Variants in NOS1AP observed in about 807,000 individuals in gnomAD.
The protein encoded by NOS1AP is nitric oxide synthase 1 adaptor protein.
A neutral mutation model predicts 56.2 loss-of-function variants in NOS1AP; 21 were observed. The observed-to-expected ratio is 0.37, with a 90% CI of 0.26 to 0.54. The LOEUF is 0.54. Among genes scored for constraint, NOS1AP ranks in the 20% least tolerant of loss-of-function variants. The probability of loss-of-function intolerance (pLI) is 0.84; values close to 1 mark genes in which losing one functional copy is unlikely to be tolerated. For missense variants in NOS1AP, 522 were observed against 657.8 expected, an observed-to-expected ratio of 0.79 and a Z score of 2.26; for synonymous variants, 270 against 274.6, an observed-to-expected ratio of 0.98 and a Z score of 0.17.
intron 8 of NOS1AP, chr1:162,365,111 G>T: frequency 7.3e-7 from 1 of 1,367,688 alleles, no homozygotes; most frequent in South Asian, 1.5e-5. Flanking sequence ...TGTGTGGCAG[G>T]TCTAGAGGGT....
chr1:162,234,234 A>C (rs562325889), intron 2 of NOS1AP, among the ~76,000 whole-genome samples: 60 of 152,318 alleles, frequency 3.9e-4, no homozygotes, highest in African/African-American at 1.3e-3. Flanking sequence ...AGCTATAGGC[A>C]GTGAGAAGCA....
chr1:162,296,159 T>G (rs1655451721), intron 3 of NOS1AP, among the ~76,000 whole-genome samples: 2 of 151,956 alleles, frequency 1.3e-5, no homozygotes, highest in Non-Finnish European at 2.9e-5. Flanking sequence ...TGGTGGTGAG[T>G]GCCTGTAGTC....
At chr1:162,307,057 C>G (rs1286295452) in intron 4 of NOS1AP, among the ~76,000 whole-genome samples, 1 of 150,646 alleles carries the variant, frequency 6.6e-6, no homozygotes, top group Non-Finnish European at 1.5e-5. Flanking sequence ...TTTTTTTTCT[C>G]TTTTATTCAT....
At chr1:162,363,828 T>G in intron 8 of NOS1AP, 1 of 985,376 alleles carries the variant, frequency 1.0e-6, no homozygotes, top group African/African-American at 1.7e-5. Context: ...AAAAAATGAG[T>G]CTGACTTCTT....
chr1:162,238,393 C>T (rs532873021), intron 2 of NOS1AP, among the ~76,000 whole-genome samples: 1 of 152,112 alleles, frequency 6.6e-6, no homozygotes, highest in African/African-American at 2.4e-5. Context: ...ATCAAAGAAG[C>T]AGCTCTCTTA....
chr1:162,325,131 T>C (rs1443347181), intron 4 of NOS1AP, among the ~76,000 whole-genome samples: 1 of 152,148 alleles, frequency 6.6e-6, no homozygotes, highest in Non-Finnish European at 1.5e-5. Flanking sequence ...ATGAAGAAGA[T>C]GGAAATTACA....
intron 2 of NOS1AP, among the ~76,000 whole-genome samples, chr1:162,230,126 C>T (rs1388526053): frequency 6.6e-6 from 1 of 152,122 alleles, no homozygotes; most frequent in Non-Finnish European, 1.5e-5. Flanking sequence ...ACTCAGATCT[C>T]CTTGCAGAGT....
intron 1 of NOS1AP, among the ~76,000 whole-genome samples, chr1:162,072,114 A>G (rs773846040): frequency 6.6e-6 from 1 of 151,836 alleles, no homozygotes; most frequent in South Asian, 2.1e-4. Context: ...AGATAGATAG[A>G]AAGTGTATTT....
intron 4 of NOS1AP, among the ~76,000 whole-genome samples, chr1:162,305,424 C>A (rs1655794448): frequency 6.6e-6 from 1 of 151,612 alleles, no homozygotes; most frequent in Admixed American, 6.6e-5. Context: ...TTACAGTATA[C>A]CTCTTTATCA....
intron 2 of NOS1AP, among the ~76,000 whole-genome samples, chr1:162,248,877 A>G (rs1489684342): frequency 2.0e-5 from 3 of 152,110 alleles, no homozygotes; most frequent in Non-Finnish European, 4.4e-5. Context: ...ATCTTGACTT[A>G]AATCCAACTC....
At chr1:162,293,015 G>A (rs1333708382) in intron 3 of NOS1AP, among the ~76,000 whole-genome samples, 1 of 152,172 alleles carries the variant, frequency 6.6e-6, no homozygotes, top group African/African-American at 2.4e-5. Context: ...ACCGTGCTGT[G>A]TTTCTTGGCC....
intron 2 of NOS1AP, among the ~76,000 whole-genome samples, chr1:162,254,416 T>TCCC (rs1271945166): frequency 1.6e-3 from 250 of 152,330 alleles, no homozygotes; most frequent in African/African-American, 5.8e-3. Flanking sequence ...CCCATGTGAC[T>TCCC]AACCCTCCCC....
intron 2 of NOS1AP, among the ~76,000 whole-genome samples, chr1:162,200,068 G>C (rs1651943008): frequency 1.3e-5 from 2 of 152,128 alleles, no homozygotes; most frequent in Admixed American, 6.5e-5. Flanking sequence ...CTTGGCTTGG[G>C]TTCTTCCATT....
chr1:162,071,668 T>C (rs565363865), intron 1 of NOS1AP, among the ~76,000 whole-genome samples: 1 of 152,350 alleles, frequency 6.6e-6, no homozygotes, highest in African/African-American at 2.4e-5. Flanking sequence ...CTTAGTTCTC[T>C]CATCTCTCAG....
chr1:162,093,886 A>G (rs1009401190), intron 1 of NOS1AP, among the ~76,000 whole-genome samples: 1 of 152,212 alleles, frequency 6.6e-6, no homozygotes, highest in Non-Finnish European at 1.5e-5. Context: ...AAGCAACAGT[A>G]CAAAGCAGTT....
chr1:162,319,757 T>G (rs1398600899), intron 4 of NOS1AP, among the ~76,000 whole-genome samples: 8 of 152,144 alleles, frequency 5.3e-5, no homozygotes, highest in Admixed American at 5.2e-4. Context: ...CTCTTGGCTC[T>G]GGAAACTGCT....
At chr1:162,072,059 CAGATAGATAGAT>C (rs138572328) in intron 1 of NOS1AP, among the ~76,000 whole-genome samples, 2,372 of 141,688 alleles carry the variant, frequency 0.017, 30 homozygotes, top group Non-Finnish European at 0.023. Context: ...GACCCTGTCT[CAGATAGATAGAT>C]AGATAGATAG....
At position 162,367,748 on chromosome 1, in the gene NOS1AP, C is replaced by A; in HGVS notation, c.*281C>A. 2.3e-6 allele frequency: 1 copy of A among 436,674 alleles called. No homozygotes were observed. The highest frequency in any genetic ancestry group is 4.1e-6 in the Non-Finnish European group (1 of 241,898). 27.0% of individuals were successfully genotyped at this position (436,674 alleles called of 1,614,324 possible). A position where few individuals can be genotyped will look rare whatever the true frequency, so the allele number is the denominator to read the frequency against. The stretch of plus-strand genomic sequence containing the variant: ...CCCATGGCTTCAGGAGAGGGTCTCT[C>A]TCCAGGACTGCCAGGCTGCTGGAGG... On this transcript the variant is annotated 3_prime_UTR_variant, in exon 10 of 10. Transcript: ENST00000361897. This position sits in a 1 kb window ranked among gnomAD's most constrained non-coding sequence, Gnocchi z 6.5.
chr1:162,221,945 T>C (rs1398660990), intron 2 of NOS1AP, among the ~76,000 whole-genome samples: 1 of 152,244 alleles, frequency 6.6e-6, no homozygotes, highest in African/African-American at 2.4e-5. Context: ...TTCTGTTATA[T>C]AGATTAAATT....
Sources: allele counts gnomAD v4.1 joint callset (sites outside exome capture counted in the v4.1 genomes callset), GRCh38; gene constraint gnomAD v4.1.1; non-coding constraint Gnocchi (gnomAD v3.1); transcripts MANE v1.5; gene names NCBI Gene and HGNC (gene_info 2026-07-23, HGNC 2026-07-21).